TENM2: variants seen among roughly 807,000 people sequenced by gnomAD.
TENM2 encodes the protein teneurin-2.
In TENM2, 52 loss-of-function variants were observed where a neutral mutation model predicts 245.2. The observed-to-expected ratio is 0.21, with a 90% CI of 0.17 to 0.27. The LOEUF (loss-of-function observed/expected upper bound fraction) is 0.27, where lower values mean the gene tolerates loss of function less well. Among genes scored for constraint, TENM2 ranks in the 10% least tolerant of loss-of-function variants. The pLI, the probability that TENM2 is intolerant of heterozygous loss-of-function variation, is 1.00. For synonymous variants in TENM2, 1,363 were observed against 1,438.9 expected (o/e 0.95, Z 1.19); for missense variants, 3,046 against 3,666.8 (o/e 0.83, Z 4.37).
At chr5:167,158,939 T>C in the TENM2 span, among the ~76,000 whole-genome samples, 4 of 146,058 alleles carry the variant, frequency 2.7e-5, no homozygotes, top group African/African-American at 8.0e-5. Context: ...TCTCTCCTTC[T>C]TTCTTTCTTT....
intron 2 of TENM2, among the ~76,000 whole-genome samples, chr5:167,744,381 C>T (rs1045599273): frequency 6.6e-6 from 1 of 152,040 alleles, no homozygotes; most frequent in Non-Finnish European, 1.5e-5. Context: ...CCTCTCTGGC[C>T]CCTGTTGTGA....
intron 9 of TENM2, among the ~76,000 whole-genome samples, chr5:168,104,243 G>C (rs1016404957): frequency 1.4e-4 from 22 of 152,074 alleles, no homozygotes; most frequent in African/African-American, 5.3e-4. Flanking sequence ...CAGCCAGGCT[G>C]GTCTCAAACT....
chr5:167,389,067 C>G (rs1761607119), intron 2 of TENM2, among the ~76,000 whole-genome samples: 1 of 151,866 alleles, frequency 6.6e-6, no homozygotes, highest in African/African-American at 2.4e-5. Flanking sequence ...CTAATGCTAC[C>G]AGTTTTTCAC....
chr5:167,308,162 T>A (rs1442777865), intron 1 of TENM2: 2 of 152,362 alleles, frequency 1.3e-5, no homozygotes, highest in East Asian at 3.9e-4. Flanking sequence ...TCCTCTGCAC[T>A]AATCTTTCAG....
chr5:167,274,831 C>T, the TENM2 span, among the ~76,000 whole-genome samples: 1 of 151,656 alleles, frequency 6.6e-6, no homozygotes, highest in African/African-American at 2.4e-5. Flanking sequence ...TGTCTTTTGC[C>T]AATATTCTAA....
chr5:167,354,128 G>C (rs1311825593), intron 1 of TENM2, among the ~76,000 whole-genome samples: 1 of 152,138 alleles, frequency 6.6e-6, no homozygotes, highest in African/African-American at 2.4e-5. Flanking sequence ...TAGATCCTGG[G>C]TTTACATGGG....
intron 1 of TENM2, among the ~76,000 whole-genome samples, chr5:167,305,545 C>A (rs2127743541): frequency 6.6e-6 from 1 of 152,312 alleles, no homozygotes; most frequent in African/African-American, 2.4e-5. Flanking sequence ...GAAACAATAT[C>A]TGTGAGAACA....
chr5:167,190,817 A>G, the TENM2 span, among the ~76,000 whole-genome samples: 1 of 152,104 alleles, frequency 6.6e-6, no homozygotes, highest in African/African-American at 2.4e-5. Flanking sequence ...GAAAGTTGCT[A>G]ACGAAACAGG....
chr5:168,201,004 G>A (rs1013276705), intron 17 of TENM2, among the ~76,000 whole-genome samples: 1 of 152,150 alleles, frequency 6.6e-6, no homozygotes, highest in African/African-American at 2.4e-5. Context: ...CGTTCCTTTT[G>A]TGTAGAGAGA....
intron 7 of TENM2, among the ~76,000 whole-genome samples, chr5:168,066,508 A>G (rs1299118795): frequency 6.6e-6 from 1 of 152,214 alleles, no homozygotes; most frequent in Non-Finnish European, 1.5e-5. Context: ...TGTCCTGAAA[A>G]TGTGTACCAA....
intron 2 of TENM2, among the ~76,000 whole-genome samples, chr5:167,495,447 AC>A (rs1471025255): frequency 6.6e-6 from 1 of 152,008 alleles, no homozygotes; most frequent in African/African-American, 2.4e-5. Context: ...GTCTTTTATG[AC>A]CCAACCTCCA....
the TENM2 span, among the ~76,000 whole-genome samples, chr5:167,145,536 C>T: frequency 6.6e-6 from 1 of 152,150 alleles, no homozygotes; most frequent in South Asian, 2.1e-4. Context: ...ATAGAAATGG[C>T]TAGTCTTTTA....
intron 2 of TENM2, among the ~76,000 whole-genome samples, chr5:167,519,246 A>G (rs992310157): frequency 2.0e-5 from 3 of 152,174 alleles, no homozygotes; most frequent in Non-Finnish European, 4.4e-5. Flanking sequence ...TTTCCAAGAC[A>G]GAAATCATCA....
intron 12 of TENM2, among the ~76,000 whole-genome samples, chr5:168,131,870 T>C (rs1004367888): frequency 6.6e-6 from 1 of 152,182 alleles, no homozygotes; most frequent in African/African-American, 2.4e-5. Flanking sequence ...CTCTGATTGG[T>C]TAATTAACCT....
At chr5:167,063,242 T>C in the TENM2 span, among the ~76,000 whole-genome samples, 3 of 152,298 alleles carry the variant, frequency 2.0e-5, no homozygotes, top group Non-Finnish European at 4.4e-5. Context: ...TGATTCTGTG[T>C]CAGGCACGGA....
chr5:168,262,074 C>A, exon 29 of TENM2: 1 of 1,613,988 alleles, frequency 6.2e-7, no homozygotes, highest in Non-Finnish European at 8.5e-7. Flanking sequence ...CAACAGACAA[C>A]AGAGAGACAT....
chr5:167,469,237 G>T (rs987083139), intron 2 of TENM2, among the ~76,000 whole-genome samples: 1 of 152,026 alleles, frequency 6.6e-6, no homozygotes, highest in Non-Finnish European at 1.5e-5. Context: ...ATATTTTCAT[G>T]TCTATGTAAT....
intron 5 of TENM2, among the ~76,000 whole-genome samples, chr5:168,041,598 G>A (rs1788194114): frequency 6.6e-6 from 1 of 152,156 alleles, no homozygotes; most frequent in African/African-American, 2.4e-5. Flanking sequence ...AATTTTCAAT[G>A]CATCCCCCAC....
intron 15 of TENM2, among the ~76,000 whole-genome samples, chr5:168,197,655 A>T (rs61098277): frequency 6.7e-6 from 1 of 149,032 alleles, no homozygotes; most frequent in Non-Finnish European, 1.5e-5. Context: ...AGCCCAAATC[A>T]TGCCACTGCG....
Sources: allele counts gnomAD v4.1 joint callset (sites outside exome capture counted in the v4.1 genomes callset), GRCh38; gene constraint gnomAD v4.1.1; transcripts MANE v1.5; gene names NCBI Gene and HGNC (gene_info 2026-07-23, HGNC 2026-07-21).